Variants in EBF4 observed in about 807,000 individuals in gnomAD.
EBF4 encodes the protein transcription factor COE4.
A neutral mutation model predicts 67.1 loss-of-function variants in EBF4; 34 were observed. The observed-to-expected ratio is 0.51, with a 90% CI of 0.39 to 0.67. The LOEUF is 0.67. Ranked by LOEUF, EBF4 falls within the 30% of genes least tolerant of loss-of-function variation. EBF4 has a pLI of 0.00. For synonymous variants in EBF4, 387 were observed against 377.7 expected (o/e 1.02, Z -0.29); for missense variants, 837 against 873.3 (o/e 0.96, Z 0.52).
At chr20:2,743,066 C>T (rs2087991271) in intron 6 of EBF4, among the ~76,000 whole-genome samples, 1 of 152,208 alleles carries the variant, frequency 6.6e-6, no homozygotes, top group African/African-American at 2.4e-5. Flanking sequence ...CCCCCAGTCC[C>T]CAGCCCCCAC....
At chr20:2,716,717 C>A (rs929440444) in intron 6 of EBF4, among the ~76,000 whole-genome samples, 1 of 152,016 alleles carries the variant, frequency 6.6e-6, no homozygotes, top group African/African-American at 2.4e-5. Flanking sequence ...ATTCCAATAC[C>A]ATTTATTAAA....
intron 5 of EBF4, among the ~76,000 whole-genome samples, chr20:2,708,844 G>T (rs1425397522): frequency 6.6e-6 from 1 of 152,212 alleles, no homozygotes; most frequent in African/African-American, 2.4e-5. Flanking sequence ...TGCTGGCCAC[G>T]CAGCACTTCT....
Position 2,721,757 on chromosome 20 carries a change from A to G in EBF4, c.557+12115A>G, listed in dbSNP as rs147733756. 2.4e-3 allele frequency among the ~76,000 whole-genome samples: 367 copies of G among 152,254 alleles called. 1 individual carries two copies. Among genetic ancestry groups the G allele is most frequent in the African/African-American group, 8.4e-3 (351 of 41,556 alleles). On this transcript the variant is annotated intron_variant, in intron 6 of 16. Transcript: ENST00000609451. Reference sequence around the variant, plus strand: ...GGTGTGAGCCACTGCACCTGGCCCCATGTCTCTAACTTTCTGAACATATAA... The same window carrying G: ...GGTGTGAGCCACTGCACCTGGCCCCGTGTCTCTAACTTTCTGAACATATAA...
chr20:2,754,589 G>A (rs1600247580), intron 14 of EBF4, among the ~76,000 whole-genome samples: 1 of 152,170 alleles, frequency 6.6e-6, no homozygotes, highest in African/African-American at 2.4e-5. Flanking sequence ...AGGGAGGTAG[G>A]AGGGCCCTCT....
At chr20:2,728,680 CCCTCAGCTTCTAGACCTGATTCTTTAT>C (rs1157745552) in intron 6 of EBF4, among the ~76,000 whole-genome samples, 1 of 152,104 alleles carries the variant, frequency 6.6e-6, no homozygotes, top group Non-Finnish European at 1.5e-5. Context: ...TTTTGTGATC[CCCTCAGCTTCTAGACCTGATTCTTTAT>C]CCACAGCAGG....
chr20:2,718,409 A>G (rs1011712562), intron 6 of EBF4, among the ~76,000 whole-genome samples: 6 of 152,180 alleles, frequency 3.9e-5, no homozygotes, highest in Non-Finnish European at 8.8e-5. Flanking sequence ...CCATAAAGCC[A>G]TCTGGGGCTG....
At chr20:2,717,487 A>C (rs1276683655) in intron 6 of EBF4, among the ~76,000 whole-genome samples, 1 of 152,254 alleles carries the variant, frequency 6.6e-6, no homozygotes, top group Non-Finnish European at 1.5e-5. Flanking sequence ...GGAAACACTG[A>C]AGAGATGAAG....
At position 2,737,065 on chromosome 20, in the gene EBF4, C is replaced by G. The variant is rs146150339; in HGVS notation, c.558-11484C>G. Among the ~76,000 whole-genome samples, 8 of 151,808 alleles carry G rather than the reference C, an allele frequency of 5.3e-5. No homozygotes were observed. The South Asian group carries it at 6.2e-4, about 12-fold the overall frequency. Reference sequence around the variant, plus strand: ...GAGATGGAGACCATCCTGGCTAACACGGTGAAACCCCGTCTCTACTAAAAA... The same window carrying G: ...GAGATGGAGACCATCCTGGCTAACAGGGTGAAACCCCGTCTCTACTAAAAA... On this transcript the variant is annotated intron_variant, in intron 6 of 16. Transcript: ENST00000609451.
intron 6 of EBF4, among the ~76,000 whole-genome samples, chr20:2,736,094 A>G (rs1299826052): frequency 6.6e-6 from 1 of 152,230 alleles, no homozygotes; most frequent in Non-Finnish European, 1.5e-5. Context: ...TTTAAGAAAT[A>G]ACACATGGTT....
At chr20:2,702,010 G>A (rs1354440227) in intron 1 of EBF4, among the ~76,000 whole-genome samples, 1 of 152,204 alleles carries the variant, frequency 6.6e-6, no homozygotes, top group Non-Finnish European at 1.5e-5. Flanking sequence ...AGCGGGTGAG[G>A]GGCGATCAAG....
In EBF4 at chr20:2,707,935, C is replaced by T. The variant is rs777703898; in HGVS notation, c.415-12C>T. On this transcript the variant is annotated splice_polypyrimidine_tract_variant and intron_variant, in intron 4 of 16. Coordinates refer to ENST00000609451, the Ensembl canonical transcript of EBF4. The surrounding 1 kb of genome is among the most constrained non-coding windows in gnomAD (Gnocchi z 4.6). ...TCCTTCCCCTCCAGCCTGTGCACCT[C>T]CCTCTCCCCAGGCCATCATCTATGA... The T allele has an allele frequency of 6.6e-5, 104 of 1,584,550 alleles. 1 individual carries two copies. The highest frequency in any genetic ancestry group is 4.5e-4 in the South Asian group (39 of 87,450).
chr20:2,709,476 A>G (rs7267225), intron 5 of EBF4, 98 bp from the exon 6 acceptor site: 110,811 of 1,161,910 alleles, frequency 0.095, 5,934 homozygotes, highest in Admixed American at 0.16. Flanking sequence ...ACAGGACATC[A>G]GCACCCTCAG....
intron 8 of EBF4, 48 bp from the exon 9 acceptor site, chr20:2,749,572 C>T (rs1360376620): frequency 3.9e-6 from 6 of 1,543,298 alleles, no homozygotes; most frequent in Non-Finnish European, 5.2e-6. Flanking sequence ...GCCCCCCAGG[C>T]CCCACCTCAG....
intron 1 of EBF4, among the ~76,000 whole-genome samples, chr20:2,703,988 C>T (rs938872537): frequency 6.6e-6 from 1 of 152,148 alleles, no homozygotes; most frequent in African/African-American, 2.4e-5. Context: ...GTGGACCTCT[C>T]CATAGGGCTA....
chr20:2,741,595 T>C (rs2087969300), intron 6 of EBF4, among the ~76,000 whole-genome samples: 1 of 152,184 alleles, frequency 6.6e-6, no homozygotes, highest in Non-Finnish European at 1.5e-5. Flanking sequence ...GCTGTTTTTA[T>C]GGGGAGGAAT....
chr20:2,694,145 C>T (rs2087253988), intron 1 of EBF4, among the ~76,000 whole-genome samples: 1 of 152,264 alleles, frequency 6.6e-6, no homozygotes, highest in Non-Finnish European at 1.5e-5. Flanking sequence ...CCTTCCTGGG[C>T]AGTCCCAGTG....
chr20:2,752,515 A>G lies in EBF4; in HGVS notation c.1510A>G (p.Asn504Asp), dbSNP rs1283875274. ...CGTGCCTGGGTCCCCCAGCTTCCTC[A>G]ATGGCTCCACCGCCACCTCGCCCTT... Residue 504 changes from asparagine to aspartate, a missense_variant, in exon 14 of 17, where the codon AAT becomes GAT. By Grantham distance (23) the Asn-to-Asp change is conservative. This residue lies in a region of EBF4 where 525 missense variants were observed against 496.5 expected (regional missense o/e 1.06). Coordinates refer to ENST00000609451, the Ensembl canonical transcript of EBF4. 1.8e-5 allele frequency: 23 copies of G among 1,252,524 alleles called. No homozygotes were observed. Among genetic ancestry groups the G allele is most frequent in the Non-Finnish European group, 2.3e-5 (23 of 996,200 alleles). 77.6% of individuals were successfully genotyped at this position (1,252,524 alleles called of 1,614,324 possible). A position where few individuals can be genotyped will look rare whatever the true frequency, so the allele number is the denominator to read the frequency against.
chr20:2,758,685 CTT>C (rs1261757107), intron 15 of EBF4, among the ~76,000 whole-genome samples: 2 of 152,170 alleles, frequency 1.3e-5, no homozygotes, highest in African/African-American at 4.8e-5. Flanking sequence ...TCGTCTCTCT[CTT>C]GAGGGAGGTA....
chr20:2,755,869 T>C lies in EBF4; in HGVS notation c.1738+45T>C. Reference sequence around the variant, plus strand: ...TCACTGTGGCAGGAAGGAAGGGCCCTTGTGGAGCAGCTGGGCTACAGGGGC... The same window carrying C: ...TCACTGTGGCAGGAAGGAAGGGCCCCTGTGGAGCAGCTGGGCTACAGGGGC... On this transcript the variant is annotated intron_variant, in intron 15 of 16. Coordinates refer to ENST00000609451, the Ensembl canonical transcript of EBF4. This position sits in a 1 kb window ranked among gnomAD's most constrained non-coding sequence, Gnocchi z 4.7. 6.6e-7 allele frequency: 1 copy of C among 1,514,510 alleles called. No individual in the cohort carries two copies. The allele number at this position is 1,514,510 out of a possible 1,614,324, so 93.8% of individuals were successfully genotyped here. A position where few individuals can be genotyped will look rare whatever the true frequency, so the allele number is the denominator to read the frequency against.
Sources: gnomAD v4.1 joint callset for allele counts (sites outside exome capture counted in the v4.1 genomes callset) on GRCh38, gnomAD v4.1.1 for gene constraint, gnomAD v4.1.1 regional missense constraint, Gnocchi (gnomAD v3.1) non-coding constraint, MANE v1.5 for transcripts, NCBI Gene and HGNC (gene_info 2026-07-23, HGNC 2026-07-21) for gene names.